The following RIN2 variants were observed in gnomAD, a reference collection of about 807,000 sequenced individuals.
RIN2 encodes the protein Ras and Rab interactor 2.
A neutral mutation model predicts 78.0 loss-of-function variants in RIN2; 36 were observed. The ratio of observed to expected loss-of-function variants is 0.46; its 90% CI spans 0.35 to 0.61. The LOEUF (loss-of-function observed/expected upper bound fraction) is 0.61, where lower values mean the gene tolerates loss of function less well. Among genes scored for constraint, RIN2 ranks in the 20% least tolerant of loss-of-function variants. The pLI is 0.00. For synonymous variants in RIN2, 466 were observed against 466.8 expected (o/e 1.00, Z 0.02); for missense variants, 1,087 against 1,159.7 (o/e 0.94, Z 0.91).
intron 8 of RIN2, among the ~76,000 whole-genome samples, chr20:19,972,745 A>G (rs1380098693): frequency 6.6e-6 from 1 of 152,196 alleles, no homozygotes; most frequent in African/African-American, 2.4e-5. Context: ...AAAGCCTTAC[A>G]AAAGATTTAC....
At chr20:19,857,592 C>T (rs1207438503) in intron 2 of RIN2, among the ~76,000 whole-genome samples, 1 of 152,164 alleles carries the variant, frequency 6.6e-6, no homozygotes, top group Non-Finnish European at 1.5e-5. Flanking sequence ...TTCCCACCAA[C>T]ACCATATGAG....
chr20:19,797,965 C>T (rs765621056), intron 1 of RIN2, among the ~76,000 whole-genome samples: 5 of 150,972 alleles, frequency 3.3e-5, no homozygotes, highest in Non-Finnish European at 7.4e-5. Flanking sequence ...CATTCTCCTG[C>T]CTCAGCCTCC....
At chr20:19,853,462 T>A (rs1335267506) in intron 2 of RIN2, among the ~76,000 whole-genome samples, 2 of 152,184 alleles carry the variant, frequency 1.3e-5, no homozygotes, top group African/African-American at 4.8e-5. Context: ...CACCACACTG[T>A]CTTCCACAAT....
At chr20:19,935,333 C>G in intron 4 of RIN2, 134 bp downstream of exon 4, 1 of 1,248,950 alleles carries the variant, frequency 8.0e-7, no homozygotes, top group South Asian at 1.8e-5. Flanking sequence ...AGATGAAATC[C>G]TCTGTAGGAG....
At chr20:19,968,743 T>C (rs1282023161) in intron 7 of RIN2, among the ~76,000 whole-genome samples, 1 of 152,130 alleles carries the variant, frequency 6.6e-6, no homozygotes, top group African/African-American at 2.4e-5. Context: ...TCCCCCAAAA[T>C]TGTCTGAGGA....
At chr20:19,870,051 C>T (rs2037642915) in intron 2 of RIN2, among the ~76,000 whole-genome samples, 1 of 151,950 alleles carries the variant, frequency 6.6e-6, no homozygotes, top group South Asian at 2.1e-4. Context: ...GCCATTTTGC[C>T]CCATTTCCTG....
chr20:19,798,611 AAC>A (rs1306935303), intron 1 of RIN2, among the ~76,000 whole-genome samples: 3 of 152,076 alleles, frequency 2.0e-5, no homozygotes, highest in African/African-American at 4.8e-5. Flanking sequence ...TTAGAAAAGA[AAC>A]ACATATACGT....
chr20:19,837,068 C>T (rs2123048527), intron 2 of RIN2, among the ~76,000 whole-genome samples: 1 of 152,056 alleles, frequency 6.6e-6, no homozygotes, highest in African/African-American at 2.4e-5. Flanking sequence ...TACAACACTG[C>T]TGTAAGATGG....
In RIN2 at chr20:19,975,805, T is replaced by C. The variant is rs760887706; in HGVS notation, c.1762+18T>C. ...CCAAATAGGTAAGTACCCTCTTTTT[T>C]AAAATATAAAATCTATTGTAACTCT... On this transcript the variant is annotated intron_variant, in intron 9 of 12. Coordinates refer to ENST00000255006, the MANE Select transcript of RIN2 (RefSeq NM_018993.4). This position sits in a 1 kb window ranked among gnomAD's most constrained non-coding sequence, Gnocchi z 4.9. 1.3e-6 allele frequency: 2 copies of C among 1,575,372 alleles called. No homozygotes were observed. The highest frequency in any genetic ancestry group is 1.7e-6 in the Non-Finnish European group (2 of 1,159,778).
chr20:19,972,064 A>C (rs1436023831), intron 8 of RIN2, among the ~76,000 whole-genome samples: 2 of 152,096 alleles, frequency 1.3e-5, no homozygotes, highest in Non-Finnish European at 2.9e-5. Flanking sequence ...TTGTATCTGT[A>C]GAAGGATTGC....
chr20:19,943,116 C>G (rs937096762), intron 4 of RIN2, among the ~76,000 whole-genome samples: 14 of 152,230 alleles, frequency 9.2e-5, no homozygotes, highest in African/African-American at 1.9e-4. Context: ...TGGAGCCCGC[C>G]TGGCTCCTTC....
At chr20:19,897,377 G>A (rs1271179416) in intron 3 of RIN2, among the ~76,000 whole-genome samples, 2 of 152,112 alleles carry the variant, frequency 1.3e-5, no homozygotes, top group African/African-American at 4.8e-5. Flanking sequence ...CTAAAGTTCT[G>A]GGATTACAGG....
intron 7 of RIN2, among the ~76,000 whole-genome samples, chr20:19,970,252 A>G (rs9973991): frequency 0.2 from 30,154 of 152,232 alleles, 3,198 homozygotes; most frequent in African/African-American, 0.27. Context: ...GCAGTATAAC[A>G]AGACCCTGGG....
chr20:19,984,210 G>T (rs1042291725), intron 9 of RIN2, among the ~76,000 whole-genome samples: 1 of 152,128 alleles, frequency 6.6e-6, no homozygotes, highest in South Asian at 2.1e-4. Context: ...ACAATCATGT[G>T]TTGTTTAACT....
At chr20:19,936,087 C>A (rs2040628452) in intron 4 of RIN2, among the ~76,000 whole-genome samples, 1 of 152,210 alleles carries the variant, frequency 6.6e-6, no homozygotes, top group African/African-American at 2.4e-5. Context: ...ACTAGTTCCG[C>A]CATACGCTGA....
chr20:19,996,958 A>G lies in RIN2; in HGVS notation c.2364+116A>G. On this transcript the variant is annotated intron_variant, in intron 12 of 12. Transcript: ENST00000255006. ...TGTTGAATTATTTGGCAGGAAAGGG[A>G]TATCTCAAACCACCCTCTGGCCTTG... is the stretch of plus-strand genomic sequence containing the variant. 9.8e-6 allele frequency: 11 copies of G among 1,118,292 alleles called. No individual in the cohort carries two copies. The South Asian group carries it at 1.0e-4, about 10-fold the overall frequency. 69.3% of individuals were successfully genotyped at this position (1,118,292 alleles called of 1,614,324 possible).
chr20:19,858,966 C>G (rs1042569884), intron 2 of RIN2, among the ~76,000 whole-genome samples: 1 of 152,152 alleles, frequency 6.6e-6, no homozygotes, highest in Non-Finnish European at 1.5e-5. Context: ...GAATACATTT[C>G]TTAAAGTAGC....
At chr20:19,776,823 A>G (rs2034328912) in intron 1 of RIN2, among the ~76,000 whole-genome samples, 1 of 152,070 alleles carries the variant, frequency 6.6e-6, no homozygotes, top group African/African-American at 2.4e-5. Flanking sequence ...TTTCCAGACG[A>G]AACCAGTGTA....
At chr20:19,964,870 C>A in intron 6 of RIN2, 82 bp from the exon 7 acceptor site, 2 of 1,166,744 alleles carry the variant, frequency 1.7e-6, no homozygotes, top group African/African-American at 1.5e-5. Context: ...TCAGATGGTC[C>A]CACACACATG....
Sources: allele counts gnomAD v4.1 joint callset (sites outside exome capture counted in the v4.1 genomes callset), GRCh38; gene constraint gnomAD v4.1.1; non-coding constraint Gnocchi (gnomAD v3.1); transcripts MANE v1.5; gene names NCBI Gene and HGNC (gene_info 2026-07-23, HGNC 2026-07-21).